Variants in DMD observed in about 807,000 individuals in gnomAD.
The protein encoded by DMD is mutant dystrophin.
Under a neutral mutation model 330.1 loss-of-function variants are expected in DMD, and 63 were observed. The observed-to-expected ratio is 0.19, with a 90% CI of 0.16 to 0.24. The LOEUF is 0.24. DMD is among the 10% of genes least tolerant of loss of function. The probability of loss-of-function intolerance (pLI) is 1.00; values close to 1 mark genes in which losing one functional copy is unlikely to be tolerated. For missense variants in DMD, 3,344 were observed against 2,684.1 expected (o/e 1.25, Z -5.43); for synonymous variants, 1,223 against 959.8 (o/e 1.27, Z -5.07).
At chrX:32,739,079 CAACT>C (rs1163043278) in intron 7 of DMD, among the ~76,000 whole-genome samples, 2 of 111,992 alleles carry the variant, frequency 1.8e-5, no homozygotes, top group Non-Finnish European at 3.8e-5. Context: ...TGTTTCAAAT[CAACT>C]AATTCATTTA....
At chrX:31,425,134 T>C (rs1329326599) in intron 60 of DMD, among the ~76,000 whole-genome samples, 3 of 112,261 alleles carry the variant, frequency 2.7e-5, no homozygotes, top group Non-Finnish European at 5.6e-5. Context: ...ATTTCAGTAT[T>C]GATTTGCTGT....
intron 7 of DMD, among the ~76,000 whole-genome samples, chrX:32,735,714 T>G: frequency 8.9e-6 from 1 of 112,094 alleles, no homozygotes; most frequent in East Asian, 2.8e-4. Context: ...GCTAGCCATA[T>G]GTAGAAAGCT....
chrX:32,279,714 A>G (rs997491305), intron 43 of DMD, among the ~76,000 whole-genome samples: 1 of 109,743 alleles, frequency 9.1e-6, no homozygotes, highest in Admixed American at 9.8e-5. Flanking sequence ...ACTTGGTACA[A>G]AAAATAGTTA....
At chrX:32,593,557 G>A (rs2055176216) in intron 13 of DMD, among the ~76,000 whole-genome samples, 1 of 111,305 alleles carries the variant, frequency 9.0e-6, no homozygotes, top group Non-Finnish European at 1.9e-5. Flanking sequence ...TTGTTCCAGG[G>A]TTCCAAGGAA....
intron 44 of DMD, among the ~76,000 whole-genome samples, chrX:32,034,054 A>G (rs1442175424): frequency 5.4e-5 from 6 of 111,907 alleles, no homozygotes; most frequent in African/African-American, 1.3e-4. Flanking sequence ...CTCCGAAGGC[A>G]TTATTATTCC....
chrX:33,299,502 G>A (rs1195573153), intron 1 of DMD, among the ~76,000 whole-genome samples: 3 of 111,538 alleles, frequency 2.7e-5, no homozygotes, highest in Non-Finnish European at 3.8e-5. Flanking sequence ...ACTTGACTCC[G>A]TGCAGATTCT....
intron 52 of DMD, among the ~76,000 whole-genome samples, chrX:31,692,485 G>T (rs1010724497): frequency 1.8e-5 from 2 of 111,485 alleles, no homozygotes; most frequent in Non-Finnish European, 3.8e-5. Flanking sequence ...CTAAAAGTTG[G>T]TTTTTTGAAA....
At chrX:32,955,547 T>C (rs2091525096) in intron 2 of DMD, among the ~76,000 whole-genome samples, 1 of 112,270 alleles carries the variant, frequency 8.9e-6, no homozygotes, top group African/African-American at 3.2e-5. Flanking sequence ...TTTAATTAGA[T>C]GCCATTTTTC....
At chrX:32,348,577 A>G in intron 37 of DMD, 49 bp from the exon 38 acceptor site, 1 of 1,069,523 alleles carries the variant, frequency 9.3e-7, no homozygotes. Flanking sequence ...TTTTTATTAG[A>G]AACATAAACC....
At chrX:31,857,443 TTACA>T (rs2093634868) in intron 48 of DMD, among the ~76,000 whole-genome samples, 1 of 105,665 alleles carries the variant, frequency 9.5e-6, no homozygotes, top group Non-Finnish European at 1.9e-5. Context: ...GACCAGCATG[TTACA>T]TAATCAATTA....
chrX:32,358,222 G>C (rs186348921), intron 37 of DMD, among the ~76,000 whole-genome samples: 2 of 111,058 alleles, frequency 1.8e-5, no homozygotes, highest in African/African-American at 3.3e-5. Flanking sequence ...TTGGCTTCTA[G>C]AGGGATGGAG....
rs376050900 is a variant in DMD, at chrX:31,857,165, G to GGT, written c.7098+18021_7098+18022dup. On this transcript the variant is annotated intron_variant, in intron 48 of 78. Coordinates refer to ENST00000357033, the MANE Select transcript of DMD (RefSeq NM_004006.3). ...ATGCTGAGGCTGACGGATCACTTGAGGTCAGGAGTTTGAGACCAGCCTGGT... is the reference window on the plus strand; with the variant it reads ...ATGCTGAGGCTGACGGATCACTTGAGGTGTCAGGAGTTTGAGACCAGCCTGGT... Among the ~76,000 whole-genome samples, 208 of 109,880 alleles carry GGT rather than the reference G, an allele frequency of 1.9e-3. 1 individual carries two copies. The highest frequency in any genetic ancestry group is 6.5e-3 in the African/African-American group (196 of 30,219).
chrX:31,312,797 G>A (rs932479299), intron 62 of DMD, among the ~76,000 whole-genome samples: 7 of 111,940 alleles, frequency 6.3e-5, no homozygotes, highest in Non-Finnish European at 1.3e-4. Context: ...ATGAGATCAC[G>A]TCCTTTGCAG....
At chrX:32,186,662 G>C (rs1487390295) in intron 44 of DMD, among the ~76,000 whole-genome samples, 2 of 111,283 alleles carry the variant, frequency 1.8e-5, no homozygotes, top group Non-Finnish European at 3.8e-5. Flanking sequence ...TGTGCATTGG[G>C]GAGGTTTTGT....
intron 43 of DMD, 98 bp downstream of exon 43, chrX:32,287,431 C>CCTGT: frequency 1.2e-6 from 1 of 823,389 alleles, no homozygotes; most frequent in South Asian, 2.4e-5. Flanking sequence ...CTTCTTTTTC[C>CCTGT]CTGTCTTTTT....
rs1371392051 is a variant in DMD at position 33,268,916 on chromosome X, A to C, written c.7+70343T>G. Among the ~76,000 whole-genome samples, 7 of 101,172 alleles carry C rather than the reference A, an allele frequency of 6.9e-5. No homozygotes were observed. The East Asian group carries it at 4.2e-3, about 60-fold the overall frequency. 87.9% of individuals were successfully genotyped at this position (101,172 alleles called of 115,157 possible). On this transcript the variant is annotated intron_variant, in intron 1 of 17. Coordinates refer to the DMD transcript ENST00000288447. Reference sequence around the variant, plus strand: ...ACTCCAGCCTGGGTGACAAAAAAAAAAAAAAAAAAAAAATCAAAAGATAAA... The same window carrying C: ...ACTCCAGCCTGGGTGACAAAAAAAACAAAAAAAAAAAAATCAAAAGATAAA...
At chrX:32,739,503 T>G (rs1016542524) in intron 7 of DMD, among the ~76,000 whole-genome samples, 1 of 111,838 alleles carries the variant, frequency 8.9e-6, no homozygotes, top group African/African-American at 3.3e-5. Flanking sequence ...GGAAAAGGTA[T>G]AGGCAATACT....
chrX:32,960,718 T>G (rs2091850490), intron 2 of DMD, among the ~76,000 whole-genome samples: 1 of 111,238 alleles, frequency 9.0e-6, no homozygotes, highest in African/African-American at 3.3e-5. Flanking sequence ...AGTGTATTAC[T>G]GATTAAAATC....
intron 1 of DMD, among the ~76,000 whole-genome samples, chrX:33,276,218 A>G (rs1441510994): frequency 8.9e-6 from 1 of 111,816 alleles, no homozygotes; most frequent in East Asian, 2.8e-4. Context: ...TGAGGAGTTC[A>G]TTAACATGCG....
Sources: gnomAD v4.1 joint callset for allele counts (sites outside exome capture counted in the v4.1 genomes callset) on GRCh38, gnomAD v4.1.1 for gene constraint, MANE v1.5 for transcripts, NCBI Gene and HGNC (gene_info 2026-07-23, HGNC 2026-07-21) for gene names.